The following SERHL2 variants were observed in gnomAD, a reference collection of about 807,000 sequenced individuals.
The protein encoded by SERHL2 is serine hydrolase-like protein 2.
A neutral mutation model predicts 25.5 loss-of-function variants in SERHL2; 29 were observed. That is an observed-to-expected ratio of 1.14 (90% CI 0.85 to 1.55). SERHL2 has a LOEUF of 1.55. Among genes scored for constraint, SERHL2 ranks in the 40% most tolerant of loss-of-function variants. The pLI is 0.00. For synonymous variants in SERHL2, 95 were observed against 103.5 expected, an observed-to-expected ratio of 0.92 and a Z score of 0.50; for missense variants, 240 against 252.3, an observed-to-expected ratio of 0.95 and a Z score of 0.33.
intron 8 of SERHL2, among the ~76,000 whole-genome samples, 161 bp downstream of exon 8, chr22:42,560,426 A>ATGGGCTC (rs1922545667): frequency 6.6e-6 from 1 of 151,990 alleles, no homozygotes; most frequent in African/African-American, 2.4e-5. Flanking sequence ...GAGCAGGAGA[A>ATGGGCTC]ACCAAGGCTC....
chr22:42,566,452 G>A lies in SERHL2; in HGVS notation c.648+114G>A, dbSNP rs1194462872. 15 of 1,019,278 alleles carry A rather than the reference G, an allele frequency of 1.5e-5. No individual in the cohort carries two copies. The East Asian group carries it at 3.2e-4, about 22-fold the overall frequency. The allele number at this position is 1,019,278 out of a possible 1,614,324, so 63.1% of individuals were successfully genotyped here. ...TCACGCCTGTAATCCCAGCTACTCA[G>A]GAGGCTGAGGCAGGACAATCGCTTG... On this transcript the variant is annotated intron_variant, in intron 9 of 11. Transcript: ENST00000327678.
chr22:42,553,959 C>G lies in SERHL2; in HGVS notation c.-62C>G. ...AGGGCCCGGAATTGCGGGCGTCACT[C>G]TGCTCCTGCGACCTAGCCAGGCGTG... On this transcript the variant is annotated 5_prime_UTR_variant, in exon 1 of 12. Transcript: ENST00000327678. 3.1e-6 allele frequency: 5 copies of G among 1,603,210 alleles called. No individual in the cohort carries two copies. In the South Asian group the frequency reaches 4.4e-5, roughly 14 times the overall value.
intron 8 of SERHL2, among the ~76,000 whole-genome samples, chr22:42,560,713 T>A (rs1489380033): frequency 6.6e-6 from 1 of 151,854 alleles, no homozygotes; most frequent in Non-Finnish European, 1.5e-5. Flanking sequence ...GTACTTTGCT[T>A]TTTACCCAGG....
Position 42,554,054 on chromosome 22 carries a change from AG to A in SERHL2, c.22+14del, listed in dbSNP as rs1921920308. ...GAACGCCGCACCAGGTCTGACGGGG[AG>A]GCCTTGTGCGAGCGTCCCACTGCCC... On this transcript the variant is annotated intron_variant, in intron 1 of 11. Coordinates refer to ENST00000327678, the MANE Select transcript of SERHL2 (RefSeq NM_014509.5). 1 of 1,612,920 alleles carries A rather than the reference AG, an allele frequency of 6.2e-7. No individual in the cohort carries two copies. Among genetic ancestry groups the A allele is most frequent in the South Asian group, 1.1e-5 (1 of 90,964 alleles).
At chr22:42,567,901 T>A (rs1923632152) in intron 9 of SERHL2, among the ~76,000 whole-genome samples, 1 of 151,296 alleles carries the variant, frequency 6.6e-6, no homozygotes, top group African/African-American at 2.4e-5. Context: ...GGCTAATTTT[T>A]GTGTTTTTAG....
intron 8 of SERHL2, among the ~76,000 whole-genome samples, 190 bp downstream of exon 8, chr22:42,560,455 G>A (rs899115940): frequency 5.3e-5 from 8 of 151,914 alleles, no homozygotes; most frequent in Admixed American, 2.6e-4. Flanking sequence ...CAAGCAACCC[G>A]GGTGAGGCCA....
At chr22:42,568,404 G>T (rs1457854712) in intron 9 of SERHL2, among the ~76,000 whole-genome samples, 7 of 151,370 alleles carry the variant, frequency 4.6e-5, no homozygotes, top group Non-Finnish European at 1.0e-4. Flanking sequence ...CTGGTGGTTT[G>T]TCCCTTGTGT....
At chr22:42,571,074 G>C in intron 9 of SERHL2, 47 bp from the exon 10 acceptor site, 1 of 1,612,474 alleles carries the variant, frequency 6.2e-7, no homozygotes. Context: ...GCCCACGAGA[G>C]TGCCTGTGCC....
Position 42,566,336 on chromosome 22 carries a change from T to TCC in SERHL2, c.646_647insCC (p.Trp216SerfsTer28), listed in dbSNP as rs1191084573. On this transcript the variant is annotated frameshift_variant and splice_region_variant, in exon 9 of 12. Coordinates refer to ENST00000327678, the MANE Select transcript of SERHL2 (RefSeq NM_014509.5). LOFTEE classifies it high-confidence loss of function. The stretch of plus-strand genomic sequence containing the variant: ...TCTGAACAGAGACCAGAGGCTCGCC[T>TCC]GGGTGAGTACCACTGCCTCCGGGTC... 5.6e-6 allele frequency: 9 copies of TCC among 1,611,884 alleles called. No homozygotes were observed. The East Asian group carries it at 2.0e-4, about 36-fold the overall frequency.
At chr22:42,554,401 C>T (rs982669629) in intron 1 of SERHL2, among the ~76,000 whole-genome samples, 2 of 152,162 alleles carry the variant, frequency 1.3e-5, no homozygotes, top group African/African-American at 2.4e-5. Context: ...CCGCCCTTGT[C>T]GCCCAGTGTG....
At chr22:42,562,751 G>C (rs1029458236) in intron 8 of SERHL2, among the ~76,000 whole-genome samples, 1 of 151,964 alleles carries the variant, frequency 6.6e-6, no homozygotes, top group African/African-American at 2.4e-5. Flanking sequence ...AGGATGGGGA[G>C]AGAGCAGCAG....
chr22:42,572,347 C>T (rs1363735173), intron 10 of SERHL2, 89 bp from the exon 11 acceptor site: 1 of 935,392 alleles, frequency 1.1e-6, no homozygotes. Context: ...GGTTTCTCCT[C>T]AGAGGCCTGA....
intron 8 of SERHL2, among the ~76,000 whole-genome samples, chr22:42,561,818 C>T (rs1339260605): frequency 6.6e-6 from 1 of 151,782 alleles, no homozygotes; most frequent in East Asian, 1.9e-4. Context: ...CTTTATCTTG[C>T]CTCCCTGGAA....
rs537266332 is a variant in SERHL2 at position 42,562,593 on chromosome 22, A to G, written c.613+2328A>G. ...GCATTGTTGGAGAGGCTGCAGCTCC[A>G]CTTCCTCTTTTGAATAGGAAGGTCT... On this transcript the variant is annotated intron_variant, in intron 8 of 11. Coordinates refer to ENST00000327678, the MANE Select transcript of SERHL2 (RefSeq NM_014509.5). 5.6e-4 allele frequency among the ~76,000 whole-genome samples: 85 copies of G among 151,778 alleles called. 1 individual carries two copies. Among genetic ancestry groups the G allele is most frequent in the African/African-American group, 2.0e-3 (82 of 41,454 alleles).
At chr22:42,562,087 G>T (rs952933655) in intron 8 of SERHL2, among the ~76,000 whole-genome samples, 3 of 151,722 alleles carry the variant, frequency 2.0e-5, no homozygotes, top group African/African-American at 7.3e-5. Context: ...GGGGGAAGTG[G>T]TCAGCTGGCT....
chr22:42,574,380 T>C lies in SERHL2; in HGVS notation c.*325T>C, dbSNP rs143670057. 2.5e-3 allele frequency: 1,240 copies of C among 500,614 alleles called. 17 individuals are homozygous for C. Among genetic ancestry groups the C allele is most frequent in the African/African-American group, 0.021 (1,088 of 51,878 alleles). 31.0% of individuals were successfully genotyped at this position (500,614 alleles called of 1,614,324 possible). A position where few individuals can be genotyped will look rare whatever the true frequency, so the allele number is the denominator to read the frequency against. ...TGGAAAATAAAAGGTTCTTGTATTC[T>C]CACTGCTTTTGAGGCTTTTTTGTTG... On this transcript the variant is annotated 3_prime_UTR_variant, in exon 12 of 12. Coordinates refer to ENST00000327678, the MANE Select transcript of SERHL2 (RefSeq NM_014509.5).
At chr22:42,557,548 T>C (rs1256547425) in intron 6 of SERHL2, among the ~76,000 whole-genome samples, 1 of 73,234 alleles carries the variant, frequency 1.4e-5, no homozygotes, top group Non-Finnish European at 4.0e-5. Flanking sequence ...AGAGGGAAAC[T>C]CCGTCTCCCA....
At chr22:42,566,249 C>A in intron 8 of SERHL2, 55 bp from the exon 9 acceptor site, 1 of 1,577,300 alleles carries the variant, frequency 6.3e-7, no homozygotes, top group Non-Finnish European at 8.7e-7. Context: ...CACGGAGCGT[C>A]CCCTGACCCT....
chr22:42,572,608 C>A (rs1924386996), intron 11 of SERHL2, 79 bp downstream of exon 11: 2 of 1,558,168 alleles, frequency 1.3e-6, no homozygotes, highest in African/African-American at 2.7e-5. Flanking sequence ...TTCTCATGCA[C>A]TGGGAAGACC....
Sources: allele counts gnomAD v4.1 joint callset (sites outside exome capture counted in the v4.1 genomes callset), GRCh38; gene constraint gnomAD v4.1.1; transcripts MANE v1.5; gene names NCBI Gene and HGNC (gene_info 2026-07-23, HGNC 2026-07-21).